The following HDAC8 variants were observed in gnomAD, a reference collection of about 807,000 sequenced individuals.
HDAC8 encodes the protein histone deacetylase 8.
In HDAC8, 1 loss-of-function variant was observed where a neutral mutation model predicts 32.2. That is an observed-to-expected ratio of 0.03 (90% confidence interval 0.01 to 0.15). The LOEUF (loss-of-function observed/expected upper bound fraction) is 0.15. HDAC8 is among the 10% of genes least tolerant of loss of function. The pLI, the probability that HDAC8 is intolerant of heterozygous loss-of-function variation, is 1.00. For missense variants in HDAC8, 117 were observed against 300.0 expected (o/e 0.39, Z 4.51); for synonymous variants, 108 against 113.9 (o/e 0.95, Z 0.33).
intron 7 of HDAC8, among the ~76,000 whole-genome samples, chrX:72,476,978 T>C (rs1383927683): frequency 6.2e-5 from 7 of 112,067 alleles, no homozygotes. Flanking sequence ...TTTCCAGTGC[T>C]GTCAATCTAT....
At chrX:72,453,872 G>A (rs1195409632) in intron 9 of HDAC8, among the ~76,000 whole-genome samples, 5 of 112,337 alleles carry the variant, frequency 4.5e-5, no homozygotes, top group African/African-American at 1.6e-4. Flanking sequence ...AAATATGTAA[G>A]CAAGAAGGCA....
chrX:72,442,743 A>T (rs782017414), intron 9 of HDAC8, among the ~76,000 whole-genome samples: 5 of 112,326 alleles, frequency 4.5e-5, no homozygotes, highest in Non-Finnish European at 7.5e-5. Context: ...AGACTGGCAA[A>T]TTGGATAAAG....
chrX:72,491,025 T>C lies in HDAC8; in HGVS notation c.551-19A>G. The C allele has an allele frequency of 9.2e-7, 1 of 1,084,561 alleles. No homozygotes were observed. Among genetic ancestry groups the C allele is most frequent in the Non-Finnish European group, 1.3e-6 (1 of 782,144 alleles). 89.4% of individuals were successfully genotyped at this position (1,084,561 alleles called of 1,213,427 possible). Reference sequence around the variant, plus strand: ...TCTACACCTAACAGATAAAGAAACATCAAAAGAATCACTTCACATATGGCA... The same window carrying C: ...TCTACACCTAACAGATAAAGAAACACCAAAAGAATCACTTCACATATGGCA... On this transcript the variant is annotated intron_variant, in intron 5 of 10. Transcript: ENST00000373573.
intron 9 of HDAC8, among the ~76,000 whole-genome samples, chrX:72,383,855 G>T (rs917563244): frequency 1.1e-5 from 1 of 90,981 alleles, no homozygotes; most frequent in Non-Finnish European, 2.1e-5. Context: ...GGGTGACAGA[G>T]TGAGATGCCA....
At chrX:72,339,913 A>G (rs2043842828) in intron 10 of HDAC8, among the ~76,000 whole-genome samples, 1 of 112,052 alleles carries the variant, frequency 8.9e-6, no homozygotes. Flanking sequence ...CTGTCATCAG[A>G]GAGCCTTTAA....
At chrX:72,512,532 C>A (rs782232345) in intron 4 of HDAC8, among the ~76,000 whole-genome samples, 2 of 112,016 alleles carry the variant, frequency 1.8e-5, no homozygotes, top group East Asian at 5.6e-4. Context: ...AAGCTGTCTT[C>A]TAAGAGGCTC....
chrX:72,451,923 G>A (rs1555987554), intron 9 of HDAC8, among the ~76,000 whole-genome samples: 1 of 112,163 alleles, frequency 8.9e-6, no homozygotes, highest in East Asian at 2.8e-4. Context: ...TAGGAAGGGG[G>A]AATCCAAACA....
intron 7 of HDAC8, among the ~76,000 whole-genome samples, chrX:72,478,459 A>G (rs1483366923): frequency 9.1e-6 from 1 of 110,451 alleles, no homozygotes; most frequent in Non-Finnish European, 1.9e-5. Context: ...TCCCCTCTCT[A>G]TTCCTCCATC....
intron 9 of HDAC8, among the ~76,000 whole-genome samples, chrX:72,461,430 A>T (rs1555991655): frequency 8.9e-6 from 1 of 112,150 alleles, no homozygotes; most frequent in African/African-American, 3.2e-5. Context: ...TTGTATGACT[A>T]AAGAAAATGG....
chrX:72,445,527 T>C (rs1397373992), intron 9 of HDAC8, among the ~76,000 whole-genome samples: 1 of 112,066 alleles, frequency 8.9e-6, no homozygotes, highest in African/African-American at 3.2e-5. Context: ...TATACAAAAA[T>C]TAATTCAAGA....
chrX:72,329,719 T>C lies in HDAC8; in HGVS notation c.*335A>G. 8.5e-7 allele frequency: 1 copy of C among 1,181,185 alleles called. No individual in the cohort carries two copies. The highest frequency in any genetic ancestry group is 1.8e-5 in the African/African-American group (1 of 56,828). ...TGCTCTCATCCAGCTTCTGATCTGT[T>C]TCATTTAAGATGATTAAAATACTCC... On this transcript the variant is annotated 3_prime_UTR_variant, in exon 11 of 11. Transcript: ENST00000373573.
At chrX:72,467,082 T>C (rs1453572276) in intron 7 of HDAC8, 7 of 110,759 alleles carry the variant, frequency 6.3e-5, no homozygotes, top group Non-Finnish European at 1.1e-4. Context: ...TATAAAGGCG[T>C]AGCATGAGGG....
intron 9 of HDAC8, among the ~76,000 whole-genome samples, chrX:72,458,488 C>T (rs1454221795): frequency 8.9e-6 from 1 of 112,184 alleles, no homozygotes; most frequent in Non-Finnish European, 1.9e-5. Context: ...GCTGGGCTAC[C>T]TGATACCTCT....
At chrX:72,530,139 T>C (rs781921588) in intron 4 of HDAC8, among the ~76,000 whole-genome samples, 22 of 112,074 alleles carry the variant, frequency 2.0e-4, no homozygotes, top group Non-Finnish European at 3.4e-4. Context: ...CAGTGGAAAA[T>C]AGCCTAAAAG....
At chrX:72,447,648 GTC>G (rs1303865204) in intron 9 of HDAC8, among the ~76,000 whole-genome samples, 2 of 111,820 alleles carry the variant, frequency 1.8e-5, no homozygotes, top group Non-Finnish European at 3.8e-5. Flanking sequence ...AAGTCAAATT[GTC>G]TCTGTTTTCA....
At chrX:72,566,530 T>C (rs975231020) in intron 4 of HDAC8, among the ~76,000 whole-genome samples, 12 of 112,223 alleles carry the variant, frequency 1.1e-4, no homozygotes, top group Non-Finnish European at 2.1e-4. Flanking sequence ...GAAAAAATTC[T>C]GTTATTATCT....
chrX:72,506,265 T>C (rs1410120911), intron 4 of HDAC8, among the ~76,000 whole-genome samples: 2 of 112,547 alleles, frequency 1.8e-5, no homozygotes, highest in African/African-American at 3.2e-5. Context: ...AGTGTTGCTA[T>C]AACAGAATAC....
In HDAC8 at chrX:72,329,569, C is replaced by A; in HGVS notation, c.*485G>T. ...CCAAAGATATATAACACTAAAACAA[C>A]ACCAGCGGACTTCTCCCCACCTCCC... On this transcript the variant is annotated 3_prime_UTR_variant, in exon 11 of 11. Transcript: ENST00000373573. 1 of 850,350 alleles carries A rather than the reference C, an allele frequency of 1.2e-6. No homozygotes were observed. Among genetic ancestry groups the A allele is most frequent in the Non-Finnish European group, 1.7e-6 (1 of 602,123 alleles). The allele number at this position is 850,350 out of a possible 1,213,427, so 70.1% of individuals were successfully genotyped here. A position where few individuals can be genotyped will look rare whatever the true frequency, so the allele number is the denominator to read the frequency against.
intron 4 of HDAC8, among the ~76,000 whole-genome samples, chrX:72,535,844 C>A (rs2050505522): frequency 9.0e-6 from 1 of 111,680 alleles, no homozygotes; most frequent in African/African-American, 3.3e-5. Context: ...TTGGTAACGG[C>A]ACATCTTTTA....
Sources: allele counts gnomAD v4.1 joint callset (sites outside exome capture counted in the v4.1 genomes callset), GRCh38; gene constraint gnomAD v4.1.1; transcripts MANE v1.5; gene names NCBI Gene and HGNC (gene_info 2026-07-23, HGNC 2026-07-21).